The following DLG2 variants were observed in gnomAD, a reference collection of about 807,000 sequenced individuals.
DLG2 encodes the protein disks large homolog 2.
A neutral mutation model predicts 132.5 loss-of-function variants in DLG2; 45 were observed. The ratio of observed to expected loss-of-function variants is 0.34; its 90% CI spans 0.27 to 0.44. The LOEUF (loss-of-function observed/expected upper bound fraction) is 0.44, where lower values mean the gene tolerates loss of function less well. DLG2 is among the 20% of genes least tolerant of loss of function. The probability of loss-of-function intolerance (pLI) is 1.00; values close to 1 mark genes in which losing one functional copy is unlikely to be tolerated. For missense variants in DLG2, 1,045 were observed against 1,196.9 expected (o/e 0.87, Z 1.87); for synonymous variants, 424 against 419.6 (o/e 1.01, Z -0.13).
chr11:85,522,805 G>C (rs1309733607), intron 3 of DLG2, among the ~76,000 whole-genome samples: 1 of 152,182 alleles, frequency 6.6e-6, no homozygotes, highest in Admixed American at 6.5e-5. Context: ...CCCAATGCCT[G>C]TACCCCCATT....
intron 6 of DLG2, among the ~76,000 whole-genome samples, chr11:84,725,861 G>C (rs2062387593): frequency 6.6e-6 from 1 of 151,596 alleles, no homozygotes; most frequent in Non-Finnish European, 1.5e-5. Flanking sequence ...TTTAATGAAA[G>C]TTAACAGAAA....
intron 14 of DLG2, 31 bp downstream of exon 14, chr11:83,962,854 C>A (rs370093234): frequency 3.7e-6 from 6 of 1,609,608 alleles, no homozygotes; most frequent in Non-Finnish European, 5.1e-6. Flanking sequence ...GTAATAAGAG[C>A]AAATCCAATT....
chr11:84,370,384 T>C (rs972397000), intron 7 of DLG2, among the ~76,000 whole-genome samples: 1 of 152,158 alleles, frequency 6.6e-6, no homozygotes, highest in Non-Finnish European at 1.5e-5. Flanking sequence ...CTCCTAGTTT[T>C]CCCCAATTTG....
chr11:83,845,602 A>C (rs2058464002), intron 16 of DLG2, among the ~76,000 whole-genome samples: 1 of 152,218 alleles, frequency 6.6e-6, no homozygotes. Context: ...CTATGCATTA[A>C]ATATACAATA....
intron 6 of DLG2, among the ~76,000 whole-genome samples, chr11:84,876,429 G>A (rs1051812035): frequency 1.3e-5 from 2 of 152,102 alleles, no homozygotes; most frequent in African/African-American, 4.8e-5. Context: ...TATGTGTCCA[G>A]GAATTTATCT....
chr11:84,253,302 T>C (rs1297827063), intron 7 of DLG2, among the ~76,000 whole-genome samples: 3 of 152,148 alleles, frequency 2.0e-5, no homozygotes, highest in Non-Finnish European at 2.9e-5. Flanking sequence ...TTCCTAGTGG[T>C]GTGATCTTAG....
intron 6 of DLG2, among the ~76,000 whole-genome samples, chr11:84,725,567 G>T (rs559368554): frequency 2.0e-5 from 3 of 152,184 alleles, no homozygotes; most frequent in Non-Finnish European, 4.4e-5. Flanking sequence ...CAAACCAGTT[G>T]ACTAGGTTAC....
intron 7 of DLG2, among the ~76,000 whole-genome samples, chr11:84,422,564 T>C (rs1205683604): frequency 1.3e-5 from 2 of 152,238 alleles, no homozygotes; most frequent in Non-Finnish European, 2.9e-5. Context: ...CTTATCTTTA[T>C]AACTCATTAC....
At chr11:85,529,185 T>TA (rs1245203259) in intron 3 of DLG2, among the ~76,000 whole-genome samples, 1 of 152,206 alleles carries the variant, frequency 6.6e-6, no homozygotes, top group African/African-American at 2.4e-5. Context: ...TTGAGAAATG[T>TA]AGGAGCATAC....
intron 6 of DLG2, among the ~76,000 whole-genome samples, chr11:84,634,118 T>C (rs1234664932): frequency 2.0e-5 from 3 of 152,182 alleles, no homozygotes; most frequent in Non-Finnish European, 4.4e-5. Flanking sequence ...GTGAAGAGTA[T>C]GTCAGGCGAT....
In DLG2 at chr11:83,560,306, TG is replaced by T. The variant is rs375223608; in HGVS notation, c.1941-18449del. On this transcript the variant is annotated intron_variant, in intron 19 of 27. Transcript: ENST00000376104. ...CTAATTTTTGTATTTTTAGTAGAGA[TG>T]GGGTTTCACCATGTTGGCCAGGCTG... Among the ~76,000 whole-genome samples the T allele has an allele frequency of 6.3e-3, 952 of 152,036 alleles. 12 individuals carry two copies. The highest frequency in any genetic ancestry group is 0.021 in the African/African-American group (881 of 41,474).
At chr11:84,095,260 T>C (rs1418212240) in intron 10 of DLG2, among the ~76,000 whole-genome samples, 4 of 152,010 alleles carry the variant, frequency 2.6e-5, no homozygotes, top group Admixed American at 2.6e-4. Context: ...GGTGGTAAAA[T>C]TTATTGAGCA....
intron 6 of DLG2, among the ~76,000 whole-genome samples, chr11:84,648,055 C>G (rs1465661917): frequency 6.6e-6 from 1 of 152,224 alleles, no homozygotes; most frequent in Non-Finnish European, 1.5e-5. Context: ...GTAACTTACC[C>G]AAGGTAACAT....
intron 11 of DLG2, among the ~76,000 whole-genome samples, chr11:84,054,592 G>C (rs2096464328): frequency 6.6e-6 from 1 of 152,016 alleles, no homozygotes; most frequent in South Asian, 2.1e-4. Flanking sequence ...ATCCATTACT[G>C]AAATATATGG....
chr11:83,894,277 G>A (rs1331046927), intron 15 of DLG2, among the ~76,000 whole-genome samples: 2 of 152,088 alleles, frequency 1.3e-5, no homozygotes, highest in Non-Finnish European at 2.9e-5. Context: ...GAATCTTACA[G>A]TTTATATAGA....
chr11:84,079,278 G>GTTT (rs34283629), intron 10 of DLG2, among the ~76,000 whole-genome samples: 10,546 of 147,234 alleles, frequency 0.072, 427 homozygotes, highest in Non-Finnish European at 0.098. Flanking sequence ...TTTTTGGTTT[G>GTTT]TTTTTTTTTT....
chr11:83,923,587 G>A (rs2078356041), intron 15 of DLG2, among the ~76,000 whole-genome samples: 1 of 152,070 alleles, frequency 6.6e-6, no homozygotes, highest in Non-Finnish European at 1.5e-5. Context: ...GTGGACAAGA[G>A]TGCTCATTCT....
intron 25 of DLG2, among the ~76,000 whole-genome samples, chr11:83,467,810 T>TATATATATATATATACAC (rs1414160515): frequency 1.0e-4 from 10 of 96,276 alleles, no homozygotes; most frequent in East Asian, 3.2e-4. Flanking sequence ...TATATATATA[T>TATATATATATATATACAC]ACACACACAC....
chr11:84,534,868 C>T (rs1450390982), intron 6 of DLG2, 137 bp from the exon 7 acceptor site: 2 of 1,009,514 alleles, frequency 2.0e-6, no homozygotes, highest in Non-Finnish European at 3.1e-6. Flanking sequence ...GGCTTTGCTG[C>T]AGACTCTTCT....
Sources: gnomAD v4.1 joint callset for allele counts (sites outside exome capture counted in the v4.1 genomes callset) on GRCh38, gnomAD v4.1.1 for gene constraint, MANE v1.5 for transcripts, NCBI Gene and HGNC (gene_info 2026-07-23, HGNC 2026-07-21) for gene names.